Variants in FZD6 observed in about 807,000 individuals in gnomAD.
The protein encoded by FZD6 is frizzled class receptor 6.
FZD6 carries 49 observed loss-of-function variants against 61.4 expected under a neutral mutation model. The observed-to-expected ratio is 0.80, with a 90% confidence interval of 0.63 to 1.01. FZD6 has a LOEUF of 1.01. Among genes scored for constraint, FZD6 ranks in the 50% least tolerant of loss-of-function variants. The pLI, the probability that FZD6 is intolerant of heterozygous loss-of-function variation, is 0.00. For missense variants in FZD6, 724 were observed against 848.2 expected, an observed-to-expected ratio of 0.85 and a Z score of 1.82; for synonymous variants, 265 against 292.2, an observed-to-expected ratio of 0.91 and a Z score of 0.95.
intron 5 of FZD6, among the ~76,000 whole-genome samples, chr8:103,329,028 T>TATATATATATAG (rs1384027043): frequency 6.9e-6 from 1 of 145,592 alleles, no homozygotes; most frequent in Admixed American, 6.9e-5. Context: ...TATATATATA[T>TATATATATATAG]ATATGCACAC....
At chr8:103,323,753 C>A (rs960496525) in intron 3 of FZD6, among the ~76,000 whole-genome samples, 4 of 151,514 alleles carry the variant, frequency 2.6e-5, no homozygotes, top group Non-Finnish European at 5.9e-5. Flanking sequence ...ACTTTTTAAA[C>A]CATTATAGAT....
intron 2 of FZD6, among the ~76,000 whole-genome samples, chr8:103,305,835 C>T (rs796864694): frequency 7.2e-5 from 11 of 152,324 alleles, no homozygotes; most frequent in African/African-American, 2.6e-4. Context: ...GATATTTCTC[C>T]TGGGAGGCTC....
Position 103,331,893 on chromosome 8 carries a change from T to C in FZD6, c.*384T>C, listed in dbSNP as rs1441453598. On this transcript the variant is annotated 3_prime_UTR_variant, in exon 7 of 7. Transcript: ENST00000358755. ...CTGAAGTATTTAAATCTTATCCTTG[T>C]ATCTTTTTATACATATTTGAAAATA... The C allele has an allele frequency of 5.3e-6, 1 of 190,314 alleles. No homozygotes were observed. Among genetic ancestry groups the C allele is most frequent in the African/African-American group, 2.4e-5 (1 of 41,974 alleles). The allele number at this position is 190,314 out of a possible 1,614,324, so 11.8% of individuals were successfully genotyped here.
At chr8:103,327,366 G>A (rs539393422) in intron 4 of FZD6, among the ~76,000 whole-genome samples, 9 of 152,310 alleles carry the variant, frequency 5.9e-5, no homozygotes, top group African/African-American at 2.2e-4. Flanking sequence ...AGGCTGAGGA[G>A]GGCGGATTGC....
At chr8:103,313,688 T>G (rs1041979856) in intron 2 of FZD6, among the ~76,000 whole-genome samples, 2 of 152,152 alleles carry the variant, frequency 1.3e-5, no homozygotes, top group Non-Finnish European at 2.9e-5. Context: ...TAAAATTCTT[T>G]AAGTCTATTC....
rs827528 is a variant in FZD6, at chr8:103,300,204, A to G, written c.97A>G (p.Met33Val). 0.24 allele frequency: 391,586 copies of G among 1,606,408 alleles called. 50,107 individuals carry two copies. Among genetic ancestry groups the G allele is most frequent in the Middle Eastern group, 0.33 (1,987 of 6,038 alleles). The part of the protein sequence containing the change: ...TCEPITVPRC[M>V]KMAYNMTFFP... ...TGAACCAATTACTGTTCCCAGATGT[A>G]TGAAAATGGCCTACAACATGACGTT... Residue 33 changes from methionine (M) to valine (V), a missense_variant, in exon 2 of 7, where the codon ATG (methionine) becomes GTG (valine). Met to Val is a conservative substitution (Grantham distance 21). Coordinates refer to ENST00000358755, the MANE Select transcript of FZD6 (RefSeq NM_003506.4).
At chr8:103,321,271 A>T (rs990786893) in intron 3 of FZD6, among the ~76,000 whole-genome samples, 14 of 152,192 alleles carry the variant, frequency 9.2e-5, no homozygotes, top group African/African-American at 3.4e-4. Context: ...TTCATTTTTT[A>T]AAATTATTTA....
intron 2 of FZD6, among the ~76,000 whole-genome samples, chr8:103,300,600 G>A (rs565608609): frequency 1.2e-4 from 19 of 152,134 alleles, no homozygotes; most frequent in Admixed American, 6.5e-4. Context: ...CTAGAAATGC[G>A]AATTCTGAAT....
rs1815018086 is a variant in FZD6, at chr8:103,328,387, T to C, written c.1512T>C (p.Ala504=). The change falls in exon 5 of 7, where the codon GCT becomes GCC. Residue 504 remains alanine (A), a synonymous_variant. Transcript: ENST00000358755. ...GCAAAAAGACATGCACAGAATGGGC[T>C]GGGTTTTTTAAACGAAATCGCAAGA... ...VGSKKTCTEW[A]GFFKRNRKRD... 1 of 1,613,286 alleles carries C rather than the reference T, an allele frequency of 6.2e-7. No homozygotes were observed. Among genetic ancestry groups the C allele is most frequent in the Non-Finnish European group, 8.5e-7 (1 of 1,179,346 alleles).
chr8:103,325,984 C>T (rs987810577), intron 4 of FZD6, among the ~76,000 whole-genome samples: 14 of 152,030 alleles, frequency 9.2e-5, no homozygotes, highest in African/African-American at 3.4e-4. Context: ...TTGAAAAAAA[C>T]ACAGTTGTAA....
At chr8:103,328,535 G>A in intron 5 of FZD6, 119 bp downstream of exon 5, 1 of 877,854 alleles carries the variant, frequency 1.1e-6, no homozygotes, top group East Asian at 2.7e-5. Context: ...AATTTGATTT[G>A]CCAACTGAAG....
In FZD6 at chr8:103,331,573, T is replaced by C; in HGVS notation, c.*64T>C. ...TACACTGGAAGTGACCTATGCACTG[T>C]TTTGTAAGAATCACTGTTACATTCT... is the stretch of plus-strand genomic sequence containing the variant. On this transcript the variant is annotated 3_prime_UTR_variant, in exon 7 of 7. Coordinates refer to ENST00000358755, the MANE Select transcript of FZD6 (RefSeq NM_003506.4). 9.3e-7 allele frequency: 1 copy of C among 1,075,450 alleles called. No homozygotes were observed. Among genetic ancestry groups the C allele is most frequent in the Non-Finnish European group, 1.4e-6 (1 of 698,670 alleles). 66.6% of individuals were successfully genotyped at this position (1,075,450 alleles called of 1,614,324 possible).
At chr8:103,321,671 A>G (rs1465733327) in intron 3 of FZD6, among the ~76,000 whole-genome samples, 1 of 152,220 alleles carries the variant, frequency 6.6e-6, no homozygotes, top group Non-Finnish European at 1.5e-5. Flanking sequence ...AAAAAGGTGC[A>G]TTCATTCTTT....
rs952870905 is a variant in FZD6 at position 103,318,747 on chromosome 8, C to A, written c.335C>A (p.Thr112Asn). 5.6e-6 allele frequency: 9 copies of A among 1,611,090 alleles called. No homozygotes were observed. Among genetic ancestry groups the A allele is most frequent in the African/African-American group, 1.3e-5 (1 of 74,962 alleles). ...TCTGATTGCAAAAAATTAATTGACACTTTTGGGATCCGATGGCCTGAGGAG... is the reference window on the plus strand; with the variant it reads ...TCTGATTGCAAAAAATTAATTGACAATTTTGGGATCCGATGGCCTGAGGAG... ...VYSDCKKLID[T>N]FGIRWPEELE... The change falls in exon 3 of 7, where the codon ACT (threonine) becomes AAT (asparagine). Residue 112 changes from threonine (T) to asparagine (N), a missense_variant. Thr to Asn is a moderately conservative substitution (Grantham distance 65). Transcript: ENST00000358755.
rs890318500 is a variant in FZD6 at position 103,321,470 on chromosome 8, A to G, written c.374+2684A>G. On this transcript the variant is annotated intron_variant, in intron 3 of 6. Transcript: ENST00000358755. ...CTTATTTACTTTGAAAACACACACA[A>G]AGAAAGAGGGGAACCTCTGATTAAA... Among the ~76,000 whole-genome samples the G allele has an allele frequency of 2.6e-5, 4 of 152,304 alleles. No homozygotes were observed. In the East Asian group the frequency reaches 7.7e-4, roughly 29 times the overall value.
At chr8:103,311,537 A>G (rs1302499668) in intron 2 of FZD6, among the ~76,000 whole-genome samples, 1 of 152,088 alleles carries the variant, frequency 6.6e-6, no homozygotes, top group East Asian at 1.9e-4. Context: ...CAGGAGTTCA[A>G]GATCCGTCTG....
chr8:103,308,499 A>G (rs2130281896), intron 2 of FZD6, among the ~76,000 whole-genome samples: 1 of 152,238 alleles, frequency 6.6e-6, no homozygotes, highest in Non-Finnish European at 1.5e-5. Context: ...TGCTAGGGCC[A>G]CCTCTGAATG....
chr8:103,324,905 C>T lies in FZD6; in HGVS notation c.799C>T (p.Leu267=). Residue 267 remains leucine (L), a synonymous_variant, in exon 4 of 7, where the codon CTA becomes TTA. Transcript: ENST00000358755. ...AGCCTGCAATAAGGCAGATGAGAAG[C>T]TAGAACTTGGTGACACTGTTGTCCT... ...STACNKADEK[L]ELGDTVVLGS... is the part of the protein sequence containing the mutation. 5 of 1,614,020 alleles carry T rather than the reference C, an allele frequency of 3.1e-6. No individual in the cohort carries two copies. The highest frequency in any genetic ancestry group is 4.2e-6 in the Non-Finnish European group (5 of 1,179,898).
At chr8:103,302,616 C>T (rs1450343639) in intron 2 of FZD6, among the ~76,000 whole-genome samples, 1 of 152,020 alleles carries the variant, frequency 6.6e-6, no homozygotes, top group Non-Finnish European at 1.5e-5. Flanking sequence ...TTTTTAGGCC[C>T]TTGTCCTGAT....
Sources: allele counts gnomAD v4.1 joint callset (sites outside exome capture counted in the v4.1 genomes callset), GRCh38; gene constraint gnomAD v4.1.1; transcripts MANE v1.5; gene names NCBI Gene and HGNC (gene_info 2026-07-23, HGNC 2026-07-21).